The following LARGE1 variants were observed in gnomAD, a reference collection of about 807,000 sequenced individuals.
LARGE1 encodes xylosyl- and glucuronyltransferase LARGE1.
LARGE1 carries 43 observed loss-of-function variants against 87.6 expected under a neutral mutation model. The observed-to-expected ratio is 0.49, with a 90% CI of 0.38 to 0.63. The LOEUF is 0.63. Among genes scored for constraint, LARGE1 ranks in the 30% least tolerant of loss-of-function variants. The pLI, the probability that LARGE1 is intolerant of heterozygous loss-of-function variation, is 0.00. For synonymous variants in LARGE1, 434 were observed against 394.6 expected (o/e 1.10, Z -1.18); for missense variants, 802 against 1,000.2 (o/e 0.80, Z 2.67).
At chr22:33,097,265 G>A in the LARGE1 span, among the ~76,000 whole-genome samples, 1 of 152,294 alleles carries the variant, frequency 6.6e-6, no homozygotes, top group Admixed American at 6.5e-5. Context: ...GAAAATGAGA[G>A]AGGTCAGGAA....
At chr22:33,597,294 A>C (rs1389120113) in intron 5 of LARGE1, among the ~76,000 whole-genome samples, 3 of 152,052 alleles carry the variant, frequency 2.0e-5, no homozygotes, top group Admixed American at 6.5e-5. Flanking sequence ...AAAAAAAAAA[A>C]AAAACTTGTA....
intron 6 of LARGE1, among the ~76,000 whole-genome samples, chr22:33,521,711 T>C (rs1301991900): frequency 2.6e-5 from 4 of 152,068 alleles, no homozygotes; most frequent in Non-Finnish European, 4.4e-5. Flanking sequence ...TACACCACGT[T>C]TTTTCTACTC....
At chr22:33,656,618 C>T (rs1327511458) in intron 2 of LARGE1, among the ~76,000 whole-genome samples, 1 of 152,160 alleles carries the variant, frequency 6.6e-6, no homozygotes, top group Non-Finnish European at 1.5e-5. Flanking sequence ...CTTTGTTTCT[C>T]TATTACCTTT....
At chr22:33,451,321 A>G (rs148038101) in intron 6 of LARGE1, among the ~76,000 whole-genome samples, 1 of 152,116 alleles carries the variant, frequency 6.6e-6, no homozygotes, top group East Asian at 1.9e-4. Context: ...GTGACCACCA[A>G]GAAAAGAACG....
intron 9 of LARGE1, among the ~76,000 whole-genome samples, chr22:33,346,964 C>T (rs143943290): frequency 1.1e-4 from 16 of 152,328 alleles, no homozygotes; most frequent in Non-Finnish European, 1.8e-4. Context: ...ACTTCACTCA[C>T]CTTTCTATCG....
chr22:33,622,750 G>A (rs1340121466), intron 4 of LARGE1, among the ~76,000 whole-genome samples: 1 of 152,206 alleles, frequency 6.6e-6, no homozygotes, highest in African/African-American at 2.4e-5. Flanking sequence ...CCTGAACCTA[G>A]TGCCATGCCC....
intron 1 of LARGE1, among the ~76,000 whole-genome samples, chr22:33,797,034 GATCACAGGCGTGAGCCACC>G (rs2086008873): frequency 2.6e-5 from 4 of 152,222 alleles, no homozygotes; most frequent in African/African-American, 9.6e-5. Context: ...AAAGTGCTAG[GATCACAGGCGTGAGCCACC>G]ATGCCTGGCC....
intron 12 of LARGE1, among the ~76,000 whole-genome samples, chr22:33,301,530 A>T (rs1934142242): frequency 6.6e-6 from 1 of 152,208 alleles, no homozygotes; most frequent in South Asian, 2.1e-4. Context: ...CCTCTTGAAA[A>T]ATATGAATAC....
At position 33,336,149 on chromosome 22, in the gene LARGE1, G is replaced by A. The variant is rs5994719; in HGVS notation, c.1287+1497C>T. Among the ~76,000 whole-genome samples the A allele has an allele frequency of 3.0e-3, 451 of 152,254 alleles. 2 individuals carry two copies. Among genetic ancestry groups the A allele is most frequent in the Non-Finnish European group, 2.7e-3 (187 of 68,030 alleles). On this transcript the variant is annotated intron_variant, in intron 10 of 14. Transcript: ENST00000397394. ...TAACACAGGGCCAACACCAAGCTAG[G>A]TGCTTTGCATGCAACTTTTCAGCTA...
chr22:33,236,059 C>T (rs887581484), intron 11 of LARGE1, among the ~76,000 whole-genome samples: 1 of 152,116 alleles, frequency 6.6e-6, no homozygotes, highest in African/African-American at 2.4e-5. Flanking sequence ...AACTTTAAGT[C>T]GAGGAACACC....
At chr22:33,701,024 T>TA (rs1303792788) in intron 2 of LARGE1, among the ~76,000 whole-genome samples, 1 of 152,102 alleles carries the variant, frequency 6.6e-6, no homozygotes, top group Non-Finnish European at 1.5e-5. Flanking sequence ...TGGGATCTTG[T>TA]TAAAATGCGG....
chr22:33,139,997 C>A, the LARGE1 span, among the ~76,000 whole-genome samples: 2 of 152,198 alleles, frequency 1.3e-5, no homozygotes, highest in African/African-American at 4.8e-5. Context: ...TGCCTCTGGT[C>A]TCCTTGGCTT....
chr22:33,305,415 A>G (rs1212822476), intron 11 of LARGE1: 1 of 178,276 alleles, frequency 5.6e-6, no homozygotes, highest in East Asian at 1.9e-4. Context: ...GGGTTCTGCA[A>G]AGACGTCTGA....
chr22:33,857,420 C>T (rs1432385256), intron 1 of LARGE1, among the ~76,000 whole-genome samples: 1 of 152,152 alleles, frequency 6.6e-6, no homozygotes, highest in Non-Finnish European at 1.5e-5. Context: ...CGGCAAGAAA[C>T]GATGCAATCA....
chr22:33,076,512 G>A, the LARGE1 span, among the ~76,000 whole-genome samples: 1 of 152,266 alleles, frequency 6.6e-6, no homozygotes, highest in African/African-American at 2.4e-5. Context: ...CTGTTTTGAA[G>A]CACCAGATTT....
At chr22:33,339,603 C>T (rs1438894550) in intron 9 of LARGE1, among the ~76,000 whole-genome samples, 4 of 151,968 alleles carry the variant, frequency 2.6e-5, no homozygotes, top group African/African-American at 7.2e-5. Flanking sequence ...TAACTTCCAG[C>T]CGAGACAGAA....
intron 12 of LARGE1, among the ~76,000 whole-genome samples, chr22:33,291,059 C>T (rs1932455635): frequency 6.6e-6 from 1 of 152,010 alleles, no homozygotes; most frequent in Non-Finnish European, 1.5e-5. Context: ...AAAGAAGTTC[C>T]CTTCCTCACC....
intron 1 of LARGE1, among the ~76,000 whole-genome samples, chr22:33,788,347 C>G (rs1262760149): frequency 6.6e-6 from 1 of 152,124 alleles, no homozygotes; most frequent in Admixed American, 6.5e-5. Flanking sequence ...AACTTATTTC[C>G]CTTATAAATT....
At chr22:33,472,738 T>C (rs374188449) in intron 6 of LARGE1, among the ~76,000 whole-genome samples, 5 of 152,332 alleles carry the variant, frequency 3.3e-5, no homozygotes, top group African/African-American at 1.2e-4. Context: ...CTGCACATTT[T>C]AATATGTGCT....
Sources: gnomAD v4.1 joint callset for allele counts (sites outside exome capture counted in the v4.1 genomes callset) on GRCh38, gnomAD v4.1.1 for gene constraint, MANE v1.5 for transcripts, NCBI Gene and HGNC (gene_info 2026-07-23, HGNC 2026-07-21) for gene names.